Variants in LRBA observed in about 807,000 individuals in gnomAD.
LRBA encodes lipopolysaccharide-responsive and beige-like anchor protein.
A neutral mutation model predicts 330.0 loss-of-function variants in LRBA; 176 were observed. That is an observed-to-expected ratio of 0.53 (90% CI 0.47 to 0.60). The LOEUF (loss-of-function observed/expected upper bound fraction) is 0.60. LRBA is among the 20% of genes least tolerant of loss of function. The probability of loss-of-function intolerance (pLI) is 0.00; values close to 1 mark genes in which losing one functional copy is unlikely to be tolerated. For missense variants in LRBA, 3,259 were observed against 3,444.8 expected, an observed-to-expected ratio of 0.95 and a Z score of 1.35; for synonymous variants, 1,230 against 1,193.0, an observed-to-expected ratio of 1.03 and a Z score of -0.64.
intron 36 of LRBA, 92 bp from the exon 37 acceptor site, chr4:150,683,809 CA>C: frequency 6.5e-6 from 6 of 928,710 alleles, no homozygotes; most frequent in Non-Finnish European, 9.4e-6. Flanking sequence ...TCAAAACAAC[CA>C]AAATTTTAAA....
chr4:150,685,917 T>TTTG (rs1783583981), intron 36 of LRBA, among the ~76,000 whole-genome samples: 1 of 152,084 alleles, frequency 6.6e-6, no homozygotes, highest in Non-Finnish European at 1.5e-5. Context: ...TTGACCCAAG[T>TTTG]ACAAAATACA....
At chr4:150,459,536 T>C (rs758239966) in intron 44 of LRBA, among the ~76,000 whole-genome samples, 10 of 151,902 alleles carry the variant, frequency 6.6e-5, no homozygotes, top group Non-Finnish European at 1.5e-4. Flanking sequence ...AGTTTCCTTA[T>C]CTGTAAAATA....
chr4:150,511,489 T>C (rs1018099555), intron 40 of LRBA, among the ~76,000 whole-genome samples: 5 of 152,208 alleles, frequency 3.3e-5, no homozygotes, highest in African/African-American at 1.2e-4. Flanking sequence ...AATCACGCCA[T>C]GCTGCTTCAT....
intron 47 of LRBA, among the ~76,000 whole-genome samples, chr4:150,401,197 C>T (rs1297861173): frequency 1.3e-5 from 2 of 152,218 alleles, no homozygotes; most frequent in Admixed American, 6.5e-5. Flanking sequence ...CCTTCTCTAT[C>T]GCCTTCAGCG....
intron 48 of LRBA, among the ~76,000 whole-genome samples, chr4:150,346,442 A>G (rs1736316736): frequency 6.6e-6 from 1 of 152,134 alleles, no homozygotes; most frequent in Admixed American, 6.5e-5. Context: ...CTTTAGCAAA[A>G]GTTGATCATA....
chr4:150,618,869 T>TATATATAC (rs1776032333), intron 37 of LRBA, among the ~76,000 whole-genome samples: 3 of 129,552 alleles, frequency 2.3e-5, no homozygotes, highest in African/African-American at 7.7e-5. Context: ...TATATATATA[T>TATATATAC]ATACACACAT....
chr4:150,579,145 A>G, intron 40 of LRBA: 1 of 443,560 alleles, frequency 2.3e-6, no homozygotes, highest in South Asian at 1.6e-5. Flanking sequence ...AGAATATAGT[A>G]TCTCCTGCAG....
intron 40 of LRBA, among the ~76,000 whole-genome samples, chr4:150,493,801 G>C (rs1759244119): frequency 6.6e-6 from 1 of 152,164 alleles, no homozygotes. Flanking sequence ...ATAGTCCAAT[G>C]TATCCATAAG....
intron 53 of LRBA, among the ~76,000 whole-genome samples, chr4:150,297,729 C>T (rs760486373): frequency 5.9e-5 from 9 of 152,182 alleles, no homozygotes; most frequent in South Asian, 2.1e-4. Flanking sequence ...ACTTCCTCAA[C>T]GGTAACTTAT....
At chr4:150,566,987 T>C (rs1312951888) in intron 40 of LRBA, among the ~76,000 whole-genome samples, 3 of 152,140 alleles carry the variant, frequency 2.0e-5, no homozygotes, top group Admixed American at 1.3e-4. Flanking sequence ...GTATAAAATA[T>C]GCAGCATTTT....
At chr4:150,378,542 A>G (rs1183619950) in intron 47 of LRBA, among the ~76,000 whole-genome samples, 1 of 152,244 alleles carries the variant, frequency 6.6e-6, no homozygotes, top group East Asian at 1.9e-4. Flanking sequence ...GGAAGTCCAG[A>G]TACTAAAAAC....
chr4:150,421,916 T>C lies in LRBA; in HGVS notation c.7042-6326A>G, dbSNP rs148717619. On this transcript the variant is annotated intron_variant, in intron 46 of 56. Coordinates refer to ENST00000651943, the MANE Select transcript of LRBA (RefSeq NM_001364905.1). ...GGAAAAAAAATGACTTTTCCTGCTT[T>C]CAAAATGGAGGGCCTTAAAATCAAC... 2.5e-3 allele frequency among the ~76,000 whole-genome samples: 380 copies of C among 152,210 alleles called. 2 individuals carry two copies. Among genetic ancestry groups the C allele is most frequent in the African/African-American group, 6.0e-3 (248 of 41,538 alleles).
chr4:150,488,072 A>G (rs931270566), intron 41 of LRBA, among the ~76,000 whole-genome samples: 1 of 151,624 alleles, frequency 6.6e-6, no homozygotes, highest in African/African-American at 2.4e-5. Context: ...ATTAGGTGTT[A>G]TAACAGTTGA....
At chr4:150,960,195 A>G (rs1737990858) in intron 2 of LRBA, among the ~76,000 whole-genome samples, 1 of 149,264 alleles carries the variant, frequency 6.7e-6, no homozygotes, top group African/African-American at 2.6e-5. Flanking sequence ...TAATGGATCT[A>G]GATGTTGAGA....
At chr4:150,952,584 A>T (rs1442354076) in intron 2 of LRBA, among the ~76,000 whole-genome samples, 3 of 152,100 alleles carry the variant, frequency 2.0e-5, no homozygotes, top group Admixed American at 2.0e-4. Flanking sequence ...TGTGTCTGTC[A>T]ATGTCTGCCT....
intron 37 of LRBA, among the ~76,000 whole-genome samples, chr4:150,655,619 A>G (rs1780109588): frequency 6.6e-6 from 1 of 152,202 alleles, no homozygotes; most frequent in Admixed American, 6.5e-5. Flanking sequence ...TGACTGAAAA[A>G]CTGACACTTG....
intron 44 of LRBA, among the ~76,000 whole-genome samples, chr4:150,459,392 T>C (rs1335941513): frequency 6.6e-6 from 1 of 151,908 alleles, no homozygotes; most frequent in East Asian, 1.9e-4. Flanking sequence ...AAAGCAAGTA[T>C]TGAATTTAAA....
At chr4:150,661,841 T>A (rs1781139408) in intron 37 of LRBA, among the ~76,000 whole-genome samples, 1 of 152,062 alleles carries the variant, frequency 6.6e-6, no homozygotes, top group Non-Finnish European at 1.5e-5. Context: ...CAGGCTGGTC[T>A]CGAACTGACC....
chr4:150,599,240 C>T, intron 37 of LRBA, 109 bp from the exon 38 acceptor site: 1 of 1,190,504 alleles, frequency 8.4e-7, no homozygotes, highest in Non-Finnish European at 1.2e-6. Context: ...TTTCCCTCTC[C>T]TTCCACTTAA....
Sources: allele counts gnomAD v4.1 joint callset (sites outside exome capture counted in the v4.1 genomes callset), GRCh38; gene constraint gnomAD v4.1.1; transcripts MANE v1.5; gene names NCBI Gene and HGNC (gene_info 2026-07-23, HGNC 2026-07-21).